The following ARHGAP12 variants were observed in gnomAD, a reference collection of about 807,000 sequenced individuals.
ARHGAP12 encodes the protein rho GTPase-activating protein 12.
A neutral mutation model predicts 108.6 loss-of-function variants in ARHGAP12; 64 were observed. That is an observed-to-expected ratio of 0.59 (90% CI 0.48 to 0.73). The LOEUF is 0.73. Ranked by LOEUF, ARHGAP12 falls within the 30% of genes least tolerant of loss-of-function variation. The pLI is 0.00. For synonymous variants in ARHGAP12, 312 were observed against 337.2 expected (o/e 0.93, Z 0.82); for missense variants, 940 against 1,005.9 (o/e 0.93, Z 0.89).
chr10:31,925,815 G>T (rs1302629241), intron 1 of ARHGAP12, among the ~76,000 whole-genome samples: 4 of 152,156 alleles, frequency 2.6e-5, no homozygotes, highest in African/African-American at 7.2e-5. Flanking sequence ...AATGCAAATT[G>T]AGAAATGCTC....
At position 31,902,807 on chromosome 10, in the gene ARHGAP12, C is replaced by A. The variant is rs184398204; in HGVS notation, c.684+5365G>T. ...ACTGTATGTGTCAAATGGGCTGGGC[C>A]ACAGTACTCAGATATTTCCATTATT... is the stretch of plus-strand genomic sequence containing the variant. On this transcript the variant is annotated intron_variant, in intron 3 of 19. Coordinates refer to ENST00000344936, the MANE Select transcript of ARHGAP12 (RefSeq NM_018287.7). 1.1e-3 allele frequency among the ~76,000 whole-genome samples: 171 copies of A among 152,160 alleles called. 1 individual carries two copies. Among genetic ancestry groups the A allele is most frequent in the Non-Finnish European group, 1.5e-3 (99 of 68,016 alleles).
At chr10:31,850,390 T>A (rs1485050028) in intron 6 of ARHGAP12, among the ~76,000 whole-genome samples, 1 of 152,184 alleles carries the variant, frequency 6.6e-6, no homozygotes, top group Non-Finnish European at 1.5e-5. Context: ...ATCCCTGTTA[T>A]ACATAGTTTT....
chr10:31,907,593 C>T (rs1592368564), intron 3 of ARHGAP12, among the ~76,000 whole-genome samples: 1 of 150,288 alleles, frequency 6.7e-6, no homozygotes, highest in African/African-American at 2.5e-5. Context: ...ATGACTGTTC[C>T]ACTGTATTAT....
At chr10:31,915,790 A>C (rs1014821927) in intron 1 of ARHGAP12, among the ~76,000 whole-genome samples, 1 of 152,242 alleles carries the variant, frequency 6.6e-6, no homozygotes, top group Non-Finnish European at 1.5e-5. Flanking sequence ...AAATGAAACA[A>C]ACTTCACAGA....
chr10:31,898,032 G>A (rs939755374), intron 3 of ARHGAP12, among the ~76,000 whole-genome samples: 5 of 152,084 alleles, frequency 3.3e-5, no homozygotes, highest in Non-Finnish European at 7.4e-5. Context: ...GCTGAGGTGG[G>A]AAAATCGCTT....
At chr10:31,809,375 TG>T in intron 16 of ARHGAP12, 68 bp from the exon 17 acceptor site, 2 of 1,397,974 alleles carry the variant, frequency 1.4e-6, no homozygotes, top group East Asian at 4.6e-5. Context: ...TGAACACGTT[TG>T]CATGTGTCAG....
intron 1 of ARHGAP12, among the ~76,000 whole-genome samples, chr10:31,915,971 G>C (rs1362438312): frequency 6.6e-6 from 1 of 152,076 alleles, no homozygotes; most frequent in Non-Finnish European, 1.5e-5. Flanking sequence ...TTAATTTTGG[G>C]TTGTTTCTTC....
chr10:31,907,633 TAAAAA>T (rs201334534), intron 3 of ARHGAP12, among the ~76,000 whole-genome samples: 1 of 127,656 alleles, frequency 7.8e-6, no homozygotes. Flanking sequence ...GACCTTGTCT[TAAAAA>T]AAAAAAAAAA....
intron 6 of ARHGAP12, among the ~76,000 whole-genome samples, chr10:31,844,513 C>T (rs556856986): frequency 6.6e-6 from 1 of 152,182 alleles, no homozygotes; most frequent in South Asian, 2.1e-4. Flanking sequence ...GTTGTTGCAG[C>T]ATCTCAGATG....
intron 1 of ARHGAP12, among the ~76,000 whole-genome samples, chr10:31,914,081 T>C (rs1261717090): frequency 6.6e-6 from 1 of 152,222 alleles, no homozygotes; most frequent in Non-Finnish European, 1.5e-5. Flanking sequence ...TTAACTAAAC[T>C]AAATACCACT....
At chr10:31,875,894 T>G (rs1466658891) in intron 3 of ARHGAP12, among the ~76,000 whole-genome samples, 1 of 152,210 alleles carries the variant, frequency 6.6e-6, no homozygotes, top group African/African-American at 2.4e-5. Context: ...TCTGTCTCTA[T>G]GAATTCAAGC....
In ARHGAP12 at chr10:31,848,070, A is replaced by G. The variant is rs115744493; in HGVS notation, c.1170+4447T>C. On this transcript the variant is annotated intron_variant, in intron 6 of 19. Transcript: ENST00000344936. ...GCCTGGGCACATTCTTCTCGTGGCA[A>G]TGGCAGAGGTGCAAGAGCAAGCCCT... 3.6e-3 allele frequency among the ~76,000 whole-genome samples: 551 copies of G among 152,204 alleles called. 4 individuals are homozygous for G. The highest frequency in any genetic ancestry group is 0.012 in the African/African-American group (512 of 41,510).
chr10:31,856,061 T>C (rs918704791), intron 4 of ARHGAP12, among the ~76,000 whole-genome samples: 37 of 152,176 alleles, frequency 2.4e-4, no homozygotes, highest in African/African-American at 8.7e-4. Flanking sequence ...CTGCAGCAAA[T>C]GTATCCTAGT....
chr10:31,900,862 G>A (rs1237680363), intron 3 of ARHGAP12, among the ~76,000 whole-genome samples: 1 of 152,112 alleles, frequency 6.6e-6, no homozygotes, highest in African/African-American at 2.4e-5. Context: ...CATTTGAGGT[G>A]GGTCGGGAAT....
chr10:31,861,709 A>C (rs559533289), intron 3 of ARHGAP12, 51 bp from the exon 4 acceptor site: 1 of 1,508,640 alleles, frequency 6.6e-7, no homozygotes, highest in African/African-American at 1.4e-5. Context: ...ATAACATTTA[A>C]GTCAAAATTA....
Position 31,810,291 on chromosome 10 carries a change from A to C in ARHGAP12, c.2050+358T>G, listed in dbSNP as rs189435117. On this transcript the variant is annotated intron_variant, in intron 16 of 19. Coordinates refer to ENST00000344936, the MANE Select transcript of ARHGAP12 (RefSeq NM_018287.7). Reference sequence around the variant, plus strand: ...TTAGGACAGAAGAAACTTAGTAAGTAAACACAATCTCCTCGGATCTTATAC... The same window carrying C: ...TTAGGACAGAAGAAACTTAGTAAGTCAACACAATCTCCTCGGATCTTATAC... 2.4e-3 allele frequency among the ~76,000 whole-genome samples: 365 copies of C among 152,292 alleles called. 1 individual carries two copies. Among genetic ancestry groups the C allele is most frequent in the African/African-American group, 8.6e-3 (357 of 41,574 alleles).
At chr10:31,905,611 A>G (rs1304832403) in intron 3 of ARHGAP12, among the ~76,000 whole-genome samples, 1 of 151,630 alleles carries the variant, frequency 6.6e-6, no homozygotes, top group Non-Finnish European at 1.5e-5. Flanking sequence ...GCTGAAGAAG[A>G]GCTTTACTAA....
Position 31,820,453 on chromosome 10 carries a change from C to T in ARHGAP12, c.1566G>A (p.Val522=), listed in dbSNP as rs751636447. ...GSNQSKPEFT[V]DLKGATIEMA... is the part of the protein sequence containing the mutation. ...TCTCAATTGTTGCCCCCTTGAGGTC[C>T]ACTGTGAACTCTGGTTTGGACTGAT... The change falls in exon 12 of 20, where the codon GTG becomes GTA. Residue 522 remains valine (V), a synonymous_variant. Transcript: ENST00000344936. 5.6e-6 allele frequency: 9 copies of T among 1,611,230 alleles called. No homozygotes were observed. The African/African-American group carries it at 1.1e-4, about 19-fold the overall frequency.
intron 6 of ARHGAP12, among the ~76,000 whole-genome samples, chr10:31,852,063 C>CA (rs1314309870): frequency 6.6e-6 from 1 of 152,172 alleles, no homozygotes; most frequent in Non-Finnish European, 1.5e-5. Context: ...GACATCTTAT[C>CA]ACATGTTGCC....
Sources: allele counts gnomAD v4.1 joint callset (sites outside exome capture counted in the v4.1 genomes callset), GRCh38; gene constraint gnomAD v4.1.1; transcripts MANE v1.5; gene names NCBI Gene and HGNC (gene_info 2026-07-23, HGNC 2026-07-21).